The following KCNK13 variants were observed in gnomAD, a reference collection of about 807,000 sequenced individuals.
KCNK13 encodes the protein potassium channel subfamily K member 13.
Under a neutral mutation model 23.4 loss-of-function variants are expected in KCNK13, and 12 were observed. The observed-to-expected ratio is 0.51, with a 90% CI of 0.33 to 0.83. KCNK13 has a LOEUF of 0.83. Ranked by LOEUF, KCNK13 falls within the 40% of genes least tolerant of loss-of-function variation. The pLI is 0.02. For synonymous variants in KCNK13, 231 were observed against 229.5 expected (o/e 1.01, Z -0.06); for missense variants, 463 against 556.3 (o/e 0.83, Z 1.69).
intron 1 of KCNK13, among the ~76,000 whole-genome samples, chr14:90,095,335 C>T (rs987077744): frequency 6.6e-6 from 1 of 152,152 alleles, no homozygotes; most frequent in Non-Finnish European, 1.5e-5. Context: ...GTATAACTGC[C>T]GTGAAGACTT....
chr14:90,174,878 T>A (rs1890405840), intron 1 of KCNK13, among the ~76,000 whole-genome samples: 1 of 151,546 alleles, frequency 6.6e-6, no homozygotes, highest in Non-Finnish European at 1.5e-5. Context: ...AATAAATAAA[T>A]AATAAATAAA....
intron 1 of KCNK13, among the ~76,000 whole-genome samples, chr14:90,071,705 T>C (rs1019467847): frequency 2.6e-5 from 4 of 152,168 alleles, no homozygotes; most frequent in African/African-American, 7.2e-5. Flanking sequence ...AAGACCATTG[T>C]GGCCAACATG....
intron 1 of KCNK13, among the ~76,000 whole-genome samples, chr14:90,181,368 C>T (rs775883724): frequency 6.6e-6 from 1 of 152,154 alleles, no homozygotes; most frequent in African/African-American, 2.4e-5. Flanking sequence ...GAGTATCTTG[C>T]GAGAGCCCTG....
chr14:90,127,538 C>T (rs531170202), intron 1 of KCNK13, among the ~76,000 whole-genome samples: 12 of 146,476 alleles, frequency 8.2e-5, no homozygotes, highest in African/African-American at 2.5e-4. Context: ...TATGGCCAGA[C>T]GTGATGGCTC....
intron 1 of KCNK13, among the ~76,000 whole-genome samples, chr14:90,166,793 G>A (rs12433144): frequency 0.017 from 2,521 of 152,248 alleles, 89 homozygotes; most frequent in African/African-American, 0.058. Context: ...TGCAGAGGCA[G>A]GGTGAGTCCT....
intron 1 of KCNK13, among the ~76,000 whole-genome samples, chr14:90,139,272 G>A (rs1889975160): frequency 2.6e-5 from 4 of 152,206 alleles, no homozygotes; most frequent in Admixed American, 6.5e-5. Flanking sequence ...CTACTCTTCA[G>A]GTGGCCAAGG....
At chr14:90,116,660 T>C (rs1349461421) in intron 1 of KCNK13, among the ~76,000 whole-genome samples, 1 of 152,132 alleles carries the variant, frequency 6.6e-6, no homozygotes, top group African/African-American at 2.4e-5. Flanking sequence ...GAGCTTCGGG[T>C]TTGCAAAGGT....
rs575007883 is a variant in KCNK13 at position 90,184,664 on chromosome 14, C to T, written c.888C>T (p.Ser296=). 2.9e-5 allele frequency: 47 copies of T among 1,614,226 alleles called. No homozygotes were observed. In the Admixed American group the frequency reaches 3.0e-4, roughly 10 times the overall value. ...ACTGGATCCTGAGGAAAATGGACAGCGGGTGCTGCCCGCAATGCCAGAGAG... is the reference window on the plus strand; with the variant it reads ...ACTGGATCCTGAGGAAAATGGACAGTGGGTGCTGCCCGCAATGCCAGAGAG... ...SLNWILRKMD[S]GCCPQCQRGL... Residue 296 remains serine (S), a synonymous_variant, in exon 2 of 2, where the codon AGC becomes AGT. Transcript: ENST00000282146. The surrounding 1 kb of genome is among the most constrained non-coding windows in gnomAD (Gnocchi z 5.6).
intron 1 of KCNK13, among the ~76,000 whole-genome samples, chr14:90,166,780 A>G (rs1333993992): frequency 1.3e-5 from 2 of 151,832 alleles, no homozygotes; most frequent in Non-Finnish European, 2.9e-5. Flanking sequence ...GTGGAAGGAG[A>G]GCTGCAGAGG....
At chr14:90,152,396 G>A (rs1432274473) in intron 1 of KCNK13, among the ~76,000 whole-genome samples, 8 of 152,128 alleles carry the variant, frequency 5.3e-5, no homozygotes, top group East Asian at 1.9e-4. Context: ...TTAGTTGGGC[G>A]TAGTGGCGCA....
chr14:90,151,639 C>T (rs1474364405), intron 1 of KCNK13, among the ~76,000 whole-genome samples: 1 of 151,948 alleles, frequency 6.6e-6, no homozygotes, highest in African/African-American at 2.4e-5. Flanking sequence ...TGATGCAATC[C>T]CATTTGTCTA....
At chr14:90,107,751 G>T in intron 1 of KCNK13, 1 of 812,044 alleles carries the variant, frequency 1.2e-6, no homozygotes, top group Non-Finnish European at 2.2e-6. Flanking sequence ...TTCCCATTCT[G>T]CAGGAGGACC....
rs72699139 is a variant in KCNK13 at position 90,179,125 on chromosome 14, A to G, written c.335-4986A>G. Among the ~76,000 whole-genome samples the G allele has an allele frequency of 4.1e-3, 620 of 149,640 alleles. 2 individuals are homozygous for G. The highest frequency in any genetic ancestry group is 0.014 in the Middle Eastern group (4 of 292). ...AAAATAAAGGCCTTGGCAGTTAAAG[A>G]TGTGTCTTTATTAATCAAAGAAATG... On this transcript the variant is annotated intron_variant, in intron 1 of 1. Coordinates refer to ENST00000282146, the MANE Select transcript of KCNK13 (RefSeq NM_022054.4).
At chr14:90,149,670 G>T (rs1890113356) in intron 1 of KCNK13, among the ~76,000 whole-genome samples, 1 of 152,136 alleles carries the variant, frequency 6.6e-6, no homozygotes, top group Admixed American at 6.5e-5. Context: ...CAAACCGTTT[G>T]CCTGTTGCTG....
chr14:90,064,556 A>G (rs1888985967), intron 1 of KCNK13, among the ~76,000 whole-genome samples: 1 of 152,102 alleles, frequency 6.6e-6, no homozygotes, highest in Non-Finnish European at 1.5e-5. Context: ...CAAGCCTCTT[A>G]ACTATTCCGA....
intron 1 of KCNK13, among the ~76,000 whole-genome samples, chr14:90,179,422 G>A (rs1265419542): frequency 6.6e-6 from 1 of 152,122 alleles, no homozygotes; most frequent in Non-Finnish European, 1.5e-5. Context: ...TTCATGGGCT[G>A]AGTGAAGTGT....
rs532230943 is a variant in KCNK13, at chr14:90,082,340, C to T, written c.334+19801C>T. 6.6e-5 allele frequency among the ~76,000 whole-genome samples: 10 copies of T among 152,096 alleles called. 1 individual carries two copies. Among genetic ancestry groups the T allele is most frequent in the Admixed American group, 6.5e-4 (10 of 15,270 alleles). On this transcript the variant is annotated intron_variant, in intron 1 of 1. Transcript: ENST00000282146. ...TCGGCCTCCCAAAGTGCTAGGATTA[C>T]AGGCATGAGCCACCGTGCCTGGCCT...
chr14:90,078,687 G>A (rs1346175193), intron 1 of KCNK13, among the ~76,000 whole-genome samples: 1 of 152,132 alleles, frequency 6.6e-6, no homozygotes. Context: ...TCAGCAAAGG[G>A]TGAGTTGATT....
rs141041389 is a variant in KCNK13, at chr14:90,184,358, G to A, written c.582G>A (p.Val194=). Residue 194 remains valine (V), a synonymous_variant, in exon 2 of 2, where the codon GTG becomes GTA. Transcript: ENST00000282146. This position sits in a 1 kb window ranked among gnomAD's most constrained non-coding sequence, Gnocchi z 5.6. ...VDSLAGWKPS[V]YYVMLILCTA... ...GCCTGGCCGGCTGGAAGCCCTCCGT[G>A]TACTACGTCATGCTGATCCTATGCA... 55 of 1,614,134 alleles carry A rather than the reference G, an allele frequency of 3.4e-5. No homozygotes were observed. The highest frequency in any genetic ancestry group is 4.4e-5 in the Non-Finnish European group (52 of 1,180,050).
Sources: gnomAD v4.1 joint callset for allele counts (sites outside exome capture counted in the v4.1 genomes callset) on GRCh38, gnomAD v4.1.1 for gene constraint, Gnocchi (gnomAD v3.1) non-coding constraint, MANE v1.5 for transcripts, NCBI Gene and HGNC (gene_info 2026-07-23, HGNC 2026-07-21) for gene names.